Variants in KCNMA1 observed in about 807,000 individuals in gnomAD.
KCNMA1 encodes potassium calcium-activated channel subfamily M alpha 1.
A neutral mutation model predicts 140.0 loss-of-function variants in KCNMA1; 29 were observed. The observed-to-expected ratio is 0.21, with a 90% CI of 0.15 to 0.28. KCNMA1 has a LOEUF of 0.28. Among genes scored for constraint, KCNMA1 ranks in the 10% least tolerant of loss-of-function variants. KCNMA1 has a pLI of 1.00. For missense variants in KCNMA1, 880 were observed against 1,602.2 expected (o/e 0.55, Z 7.70); for synonymous variants, 612 against 611.9 (o/e 1.00, Z 0.00).
chr10:77,212,664 C>T (rs2046446528), intron 3 of KCNMA1, among the ~76,000 whole-genome samples: 1 of 151,938 alleles, frequency 6.6e-6, no homozygotes, highest in Admixed American at 6.6e-5. Context: ...TCCTTCTCTC[C>T]CTCCCCTGCT....
chr10:77,071,094 C>A (rs2096190067), intron 14 of KCNMA1: 1 of 152,210 alleles, frequency 6.6e-6, no homozygotes, highest in Non-Finnish European at 1.5e-5. Context: ...CCCACAAGCT[C>A]TTCCTAAATA....
chr10:77,525,525 CTG>C (rs1398596645), intron 1 of KCNMA1, among the ~76,000 whole-genome samples: 1 of 152,222 alleles, frequency 6.6e-6, no homozygotes, highest in Non-Finnish European at 1.5e-5. Flanking sequence ...TGCTCCCAGG[CTG>C]TGTGGCATTG....
chr10:77,150,026 G>A (rs747213417), intron 5 of KCNMA1: 5 of 152,144 alleles, frequency 3.3e-5, no homozygotes, highest in Non-Finnish European at 7.3e-5. Context: ...AACTCCAGAA[G>A]TTGGTCTCGG....
At chr10:76,915,660 G>C (rs530008261) in intron 23 of KCNMA1, among the ~76,000 whole-genome samples, 2 of 152,092 alleles carry the variant, frequency 1.3e-5, no homozygotes, top group Admixed American at 1.3e-4. Context: ...ACCTAACCTG[G>C]CCTGACTGTT....
chr10:77,054,958 A>C (rs797004446), intron 14 of KCNMA1, among the ~76,000 whole-genome samples: 10 of 152,326 alleles, frequency 6.6e-5, no homozygotes, highest in African/African-American at 2.4e-4. Context: ...ATTAAAAAAA[A>C]AATAGGTGAA....
At chr10:77,206,304 G>C (rs2044086880) in intron 3 of KCNMA1, among the ~76,000 whole-genome samples, 1 of 152,090 alleles carries the variant, frequency 6.6e-6, no homozygotes, top group Non-Finnish European at 1.5e-5. Context: ...AAAAGAGTTT[G>C]AAAAAAATGT....
chr10:77,509,101 T>TTTGTTGTTG lies in KCNMA1; in HGVS notation c.379-105087_379-105079dup, dbSNP rs71028281. On this transcript the variant is annotated intron_variant, in intron 1 of 27. Transcript: ENST00000286628. The stretch of plus-strand genomic sequence containing the variant: ...TTTTGTTGTTGTCATTTTGTTGGGT[T>TTTGTTGTTG]TTGTTGTTGTTGTTGTTGTTGTTGT... Among the ~76,000 whole-genome samples, 332 of 119,032 alleles carry TTTGTTGTTG rather than the reference T, an allele frequency of 2.8e-3. 1 individual carries two copies. Among genetic ancestry groups the TTTGTTGTTG allele is most frequent in the Non-Finnish European group, 3.6e-3 (193 of 54,100 alleles). 78.1% of individuals were successfully genotyped at this position (119,032 alleles called of 152,430 possible).
chr10:76,942,578 C>T (rs946667538), intron 23 of KCNMA1, among the ~76,000 whole-genome samples: 13 of 152,040 alleles, frequency 8.6e-5, no homozygotes, highest in African/African-American at 2.4e-4. Context: ...TTTTGGGCAC[C>T]GGGGAGTGGA....
chr10:77,454,535 A>C (rs759618628), intron 1 of KCNMA1, among the ~76,000 whole-genome samples: 1 of 152,122 alleles, frequency 6.6e-6, no homozygotes, highest in Non-Finnish European at 1.5e-5. Flanking sequence ...AGTTTTCACC[A>C]GTTTTGTGTT....
In KCNMA1 at chr10:76,970,039, T is replaced by C. The variant is rs199918966; in HGVS notation, c.2295A>G (p.Ser765=). ...CTCCATTCCGTTGCTTTTTTTTTGG[T>C]GATAGTGTTGACGGCTGCTCATCTT... ...AFEDEQPSTL[S]PKKKQRNGGM... Residue 765 remains serine, a synonymous_variant, in exon 20 of 28, where the codon TCA becomes TCG. Transcript: ENST00000286628. The C allele has an allele frequency of 5.6e-6, 9 of 1,613,528 alleles. No individual in the cohort carries two copies. Among genetic ancestry groups the C allele is most frequent in the Non-Finnish European group, 7.6e-6 (9 of 1,179,842 alleles).
chr10:77,493,654 G>A (rs146067308), intron 1 of KCNMA1: 28 of 152,414 alleles, frequency 1.8e-4, no homozygotes, highest in African/African-American at 6.0e-4. Context: ...GGTGCACTGG[G>A]TGGGGAGTGT....
chr10:77,553,848 AG>A (rs35189565), intron 1 of KCNMA1, among the ~76,000 whole-genome samples: 42,096 of 152,156 alleles, frequency 0.28, 6,344 homozygotes, highest in African/African-American at 0.39. Flanking sequence ...CTAGTAAATG[AG>A]TAAACAGACA....
At chr10:77,497,397 G>A (rs1367445910) in intron 1 of KCNMA1, among the ~76,000 whole-genome samples, 1 of 152,204 alleles carries the variant, frequency 6.6e-6, no homozygotes, top group Non-Finnish European at 1.5e-5. Flanking sequence ...TGAAAGTGAT[G>A]CACTGGAAGT....
intron 1 of KCNMA1, among the ~76,000 whole-genome samples, chr10:77,429,414 G>C (rs550294185): frequency 6.6e-6 from 1 of 152,242 alleles, no homozygotes; most frequent in African/African-American, 2.4e-5. Context: ...ATCCTTAATT[G>C]TGACAACTAA....
At chr10:77,234,690 T>C (rs2054791404) in intron 3 of KCNMA1, among the ~76,000 whole-genome samples, 1 of 152,210 alleles carries the variant, frequency 6.6e-6, no homozygotes, top group Non-Finnish European at 1.5e-5. Flanking sequence ...AGTATCTCAT[T>C]CACTATTCTC....
chr10:76,967,658 A>G lies in KCNMA1; in HGVS notation c.2360+2316T>C, dbSNP rs140528458. On this transcript the variant is annotated intron_variant, in intron 20 of 27. Transcript: ENST00000286628. ...AGTGTCTAAGACTTTCTCACTTGTC[A>G]TGGGATGGCCCATTCCAGCTGGGCT... Among the ~76,000 whole-genome samples the G allele has an allele frequency of 4.7e-3, 714 of 152,260 alleles. 1 individual carries two copies. The highest frequency in any genetic ancestry group is 0.015 in the African/African-American group (644 of 41,574).
At chr10:77,028,381 T>C (rs955603775) in intron 15 of KCNMA1, among the ~76,000 whole-genome samples, 5 of 152,108 alleles carry the variant, frequency 3.3e-5, no homozygotes, top group Non-Finnish European at 7.4e-5. Context: ...GCCCAGCACA[T>C]GACGATGGCA....
At chr10:77,412,241 C>T (rs946870334) in intron 1 of KCNMA1, among the ~76,000 whole-genome samples, 5 of 152,194 alleles carry the variant, frequency 3.3e-5, no homozygotes, top group Admixed American at 1.3e-4. Flanking sequence ...CCTCATGCCT[C>T]ACAGCCCCTT....
chr10:77,284,781 T>G (rs2070123818), intron 2 of KCNMA1, among the ~76,000 whole-genome samples: 1 of 152,150 alleles, frequency 6.6e-6, no homozygotes, highest in South Asian at 2.1e-4. Flanking sequence ...CCCAAAGTGC[T>G]AGGATTACAG....
Sources: gnomAD v4.1 joint callset for allele counts (sites outside exome capture counted in the v4.1 genomes callset) on GRCh38, gnomAD v4.1.1 for gene constraint, MANE v1.5 for transcripts, NCBI Gene and HGNC (gene_info 2026-07-23, HGNC 2026-07-21) for gene names.